NEDD4: variants seen among roughly 807,000 people sequenced by gnomAD.
NEDD4 encodes the protein NEDD4 E3 ubiquitin protein ligase.
NEDD4 carries 99 observed loss-of-function variants against 144.9 expected under a neutral mutation model. That is an observed-to-expected ratio of 0.68 (90% CI 0.58 to 0.81). The LOEUF is 0.81. Ranked by LOEUF, NEDD4 falls within the 30% of genes least tolerant of loss-of-function variation. The probability of loss-of-function intolerance (pLI) is 0.00; values close to 1 mark genes in which losing one functional copy is unlikely to be tolerated. For synonymous variants in NEDD4, 318 were observed against 350.6 expected (o/e 0.91, Z 1.04); for missense variants, 985 against 1,065.9 (o/e 0.92, Z 1.06).
In NEDD4 at chr15:55,964,692, G is replaced by GGTGTGTGTGT. The variant is rs58177503; in HGVS notation, c.119+1771_119+1780dup. ...GTGTGTGTGTGTGAATTTTGCTGCT[G>GGTGTGTGTGT]GTGTGTGTGTGTGTGTGTGTGTGTG... On this transcript the variant is annotated intron_variant, in intron 2 of 28. Transcript: ENST00000435532. 2.9e-5 allele frequency among the ~76,000 whole-genome samples: 4 copies of GGTGTGTGTGT among 137,118 alleles called. No homozygotes were observed. In the East Asian group the frequency reaches 6.4e-4, roughly 22 times the overall value. 90.0% of individuals were successfully genotyped at this position (137,118 alleles called of 152,430 possible). A position where few individuals can be genotyped will look rare whatever the true frequency, so the allele number is the denominator to read the frequency against.
At chr15:55,930,382 C>A (rs2036756233) in intron 4 of NEDD4, among the ~76,000 whole-genome samples, 1 of 151,948 alleles carries the variant, frequency 6.6e-6, no homozygotes, top group Non-Finnish European at 1.5e-5. Flanking sequence ...TTAAGACTAG[C>A]CTTGGAAGAT....
In NEDD4 at chr15:55,850,566, G is replaced by T. The variant is rs1193106376; in HGVS notation, c.1323C>A (p.Asp441Glu). The T allele has an allele frequency of 6.2e-7, 1 of 1,614,146 alleles. No individual in the cohort carries two copies. The highest frequency in any genetic ancestry group is 1.7e-5 in the Admixed American group (1 of 60,010). ...CCCAGGTGGTGGTTTTAGTGTTGTG[G>T]TCAATAAAGAAAGGCCTCCCATTTG... ...HAPNGRPFFI[D>E]HNTKTTTWED... Residue 441 changes from aspartate (D) to glutamate (E), a missense_variant, in exon 14 of 29, where the codon GAC becomes GAA. By Grantham distance (45) the Asp-to-Glu change is conservative. Coordinates refer to ENST00000435532, the MANE Select transcript of NEDD4 (RefSeq NM_006154.4).
At chr15:55,886,625 G>A (rs1233007540) in intron 5 of NEDD4, among the ~76,000 whole-genome samples, 9 of 152,056 alleles carry the variant, frequency 5.9e-5, no homozygotes, top group South Asian at 2.1e-4. Context: ...TTAGCAGAGC[G>A]TGCTGGTCTG....
chr15:55,928,200 CA>C (rs2036711676), intron 4 of NEDD4, among the ~76,000 whole-genome samples: 1 of 152,068 alleles, frequency 6.6e-6, no homozygotes, highest in African/African-American at 2.4e-5. Flanking sequence ...TTAGTAGAGA[CA>C]GGGTTTCACC....
At chr15:55,960,467 C>G (rs1477917701) in intron 2 of NEDD4, among the ~76,000 whole-genome samples, 1 of 152,204 alleles carries the variant, frequency 6.6e-6, no homozygotes, top group Non-Finnish European at 1.5e-5. Flanking sequence ...AGCTTTTGGA[C>G]TCTTGGACTT....
At chr15:55,868,342 C>T (rs1325450338) in intron 8 of NEDD4, among the ~76,000 whole-genome samples, 13 of 152,194 alleles carry the variant, frequency 8.5e-5, no homozygotes, top group Admixed American at 7.2e-4. Flanking sequence ...TGGTGCCATA[C>T]GCTGTGTGCT....
chr15:55,896,141 A>G (rs1266707463), intron 5 of NEDD4, among the ~76,000 whole-genome samples: 1 of 152,108 alleles, frequency 6.6e-6, no homozygotes, highest in East Asian at 1.9e-4. Context: ...TGCCCTCTCA[A>G]GCTCACTCAG....
At chr15:55,939,959 T>C (rs1326767492) in intron 4 of NEDD4, among the ~76,000 whole-genome samples, 2 of 152,132 alleles carry the variant, frequency 1.3e-5, no homozygotes, top group Non-Finnish European at 2.9e-5. Flanking sequence ...GATATGGAAA[T>C]AATCTAAATA....
At chr15:55,856,063 T>G in intron 12 of NEDD4, 68 bp downstream of exon 12, 2 of 1,396,554 alleles carry the variant, frequency 1.4e-6, no homozygotes, top group Non-Finnish European at 2.0e-6. Flanking sequence ...ACACTCAATC[T>G]TCCAAAAAAT....
intron 5 of NEDD4, among the ~76,000 whole-genome samples, chr15:55,917,649 A>G (rs2142216924): frequency 6.6e-6 from 1 of 152,286 alleles, no homozygotes; most frequent in East Asian, 1.9e-4. Context: ...TACCATTGCA[A>G]AACTGAAGCA....
chr15:55,928,349 G>A (rs184804791), intron 4 of NEDD4, among the ~76,000 whole-genome samples: 1 of 152,032 alleles, frequency 6.6e-6, no homozygotes, highest in East Asian at 1.9e-4. Context: ...TACTGTAATC[G>A]GACTTACCTA....
intron 2 of NEDD4, 103 bp from the exon 3 acceptor site, chr15:55,951,692 A>G (rs1269838703): frequency 1.2e-6 from 1 of 815,536 alleles, no homozygotes; most frequent in Non-Finnish European, 1.7e-6. Context: ...TGTTAGTTAT[A>G]TCTACAATTA....
intron 4 of NEDD4, among the ~76,000 whole-genome samples, chr15:55,934,536 G>A (rs562044962): frequency 4.6e-5 from 7 of 151,902 alleles, no homozygotes; most frequent in East Asian, 3.9e-4. Context: ...AAAGTATTCC[G>A]GCATTTTAAT....
At chr15:55,886,511 A>T (rs2035393204) in intron 5 of NEDD4, among the ~76,000 whole-genome samples, 1 of 152,204 alleles carries the variant, frequency 6.6e-6, no homozygotes, top group African/African-American at 2.4e-5. Context: ...TCACGCCTCT[A>T]ATCCCAGCAC....
intron 18 of NEDD4, among the ~76,000 whole-genome samples, chr15:55,846,351 A>G (rs1428764331): frequency 6.6e-6 from 1 of 152,154 alleles, no homozygotes; most frequent in East Asian, 1.9e-4. Flanking sequence ...AGCAAGTAAG[A>G]GAGGCGTTAA....
At chr15:55,930,583 A>T (rs1435043570) in intron 4 of NEDD4, among the ~76,000 whole-genome samples, 1 of 152,238 alleles carries the variant, frequency 6.6e-6, no homozygotes, top group Non-Finnish European at 1.5e-5. Context: ...GAAGAGAAAC[A>T]GTATTCATTA....
At chr15:55,926,478 G>A (rs574110828) in intron 4 of NEDD4, among the ~76,000 whole-genome samples, 10 of 152,292 alleles carry the variant, frequency 6.6e-5, no homozygotes, top group African/African-American at 2.4e-4. Flanking sequence ...GGGAAAAATA[G>A]TGTTAAGACG....
intron 4 of NEDD4, among the ~76,000 whole-genome samples, chr15:55,927,497 G>A (rs2036698067): frequency 6.6e-6 from 1 of 152,106 alleles, no homozygotes; most frequent in Non-Finnish European, 1.5e-5. Context: ...AGGTCTCACT[G>A]TGTTGCCTAG....
intron 2 of NEDD4, chr15:55,952,761 A>C (rs961877771): frequency 6.6e-6 from 1 of 151,882 alleles, no homozygotes; most frequent in Non-Finnish European, 1.5e-5. Flanking sequence ...TCTCTTTTAG[A>C]CCTTTGGCTT....
Sources: gnomAD v4.1 joint callset for allele counts (sites outside exome capture counted in the v4.1 genomes callset) on GRCh38, gnomAD v4.1.1 for gene constraint, MANE v1.5 for transcripts, NCBI Gene and HGNC (gene_info 2026-07-23, HGNC 2026-07-21) for gene names.